Variants in THSD4 observed in about 807,000 individuals in gnomAD.
THSD4 encodes the protein thrombospondin type-1 domain-containing protein 4.
Under a neutral mutation model 119.0 loss-of-function variants are expected in THSD4, and 69 were observed. The ratio of observed to expected loss-of-function variants is 0.58; its 90% confidence interval spans 0.48 to 0.71. The LOEUF is 0.71. Ranked by LOEUF, THSD4 falls within the 30% of genes least tolerant of loss-of-function variation. The pLI, the probability that THSD4 is intolerant of heterozygous loss-of-function variation, is 0.00. For synonymous variants in THSD4, 524 were observed against 540.4 expected (o/e 0.97, Z 0.42); for missense variants, 1,393 against 1,391.1 (o/e 1.00, Z -0.02).
chr15:71,441,481 G>T (rs1451572491), intron 7 of THSD4, among the ~76,000 whole-genome samples: 50 of 132,212 alleles, frequency 3.8e-4, no homozygotes, highest in African/African-American at 1.1e-3. Flanking sequence ...GCCCCCTGGG[G>T]TTTTTTTTTT....
chr15:71,527,012 G>A (rs543690526), intron 7 of THSD4, among the ~76,000 whole-genome samples: 22 of 152,270 alleles, frequency 1.4e-4, no homozygotes, highest in Admixed American at 6.5e-4. Context: ...CATTGCAGTC[G>A]TATTAAGACG....
intron 3 of THSD4, chr15:71,185,904 T>G (rs907683405): frequency 1.3e-5 from 2 of 152,086 alleles, no homozygotes; most frequent in African/African-American, 2.4e-5. Context: ...ACTGCAATGG[T>G]TAAAGTCTGG....
At chr15:71,529,368 A>G (rs1481847175) in intron 7 of THSD4, among the ~76,000 whole-genome samples, 1 of 152,258 alleles carries the variant, frequency 6.6e-6, no homozygotes, top group Non-Finnish European at 1.5e-5. Context: ...TTATGATAGC[A>G]CTGACATTCT....
chr15:71,158,863 T>G (rs902457428), intron 3 of THSD4, among the ~76,000 whole-genome samples: 2 of 152,216 alleles, frequency 1.3e-5, no homozygotes, highest in Non-Finnish European at 2.9e-5. Context: ...TGCTTTTGTT[T>G]CCTGTGCTTT....
At chr15:71,472,742 A>G (rs2047598899) in intron 7 of THSD4, among the ~76,000 whole-genome samples, 1 of 152,190 alleles carries the variant, frequency 6.6e-6, no homozygotes, top group South Asian at 2.1e-4. Flanking sequence ...AGAGAGGTTG[A>G]TTTCACAGGA....
chr15:71,212,560 T>TTC (rs2043896713), intron 3 of THSD4, among the ~76,000 whole-genome samples: 2 of 152,214 alleles, frequency 1.3e-5, no homozygotes, highest in Non-Finnish European at 2.9e-5. Flanking sequence ...AGAAACATAT[T>TTC]TCTGCCTTTG....
intron 5 of THSD4, among the ~76,000 whole-genome samples, chr15:71,252,958 T>G (rs1474698311): frequency 6.6e-6 from 1 of 152,190 alleles, no homozygotes; most frequent in African/African-American, 2.4e-5. Flanking sequence ...CACTTCCACG[T>G]CCGGGCCCAA....
intron 1 of THSD4, among the ~76,000 whole-genome samples, chr15:71,138,877 A>T (rs77450390): frequency 3.7e-4 from 55 of 149,716 alleles, no homozygotes; most frequent in African/African-American, 1.3e-3. Flanking sequence ...TGTGTGTGTG[A>T]GTGTGTGTGT....
At chr15:71,283,172 T>C (rs2044676813) in intron 6 of THSD4, among the ~76,000 whole-genome samples, 2 of 152,122 alleles carry the variant, frequency 1.3e-5, no homozygotes, top group African/African-American at 2.4e-5. Flanking sequence ...GGTTTCACTG[T>C]GTTAGCCGGG....
intron 8 of THSD4, among the ~76,000 whole-genome samples, chr15:71,686,322 A>T (rs1289656148): frequency 6.6e-6 from 1 of 152,156 alleles, no homozygotes; most frequent in Non-Finnish European, 1.5e-5. Context: ...TTAATACCTG[A>T]TTGTATTGCT....
In THSD4 at chr15:71,128,484, G is replaced by A. The variant is rs566940779; in HGVS notation, c.-80+12786G>A. ...AGAGGTTGCCATGAGCCAAGATCAC[G>A]CCACTGCACTCCAGCCTGGGTGACA... On this transcript the variant is annotated intron_variant, in intron 1 of 17. Transcript: ENST00000261862. 6.2e-5 allele frequency among the ~76,000 whole-genome samples: 9 copies of A among 144,030 alleles called. No individual in the cohort carries two copies. The East Asian group carries it at 1.4e-3, about 23-fold the overall frequency. 94.5% of individuals were successfully genotyped at this position (144,030 alleles called of 152,430 possible).
intron 6 of THSD4, among the ~76,000 whole-genome samples, chr15:71,327,591 A>G (rs2045362384): frequency 6.6e-6 from 1 of 152,146 alleles, no homozygotes; most frequent in Non-Finnish European, 1.5e-5. Context: ...TACTTTTTGA[A>G]TGCCATTTCC....
chr15:71,431,902 C>G (rs892643683), intron 7 of THSD4, among the ~76,000 whole-genome samples: 2 of 152,126 alleles, frequency 1.3e-5, no homozygotes, highest in East Asian at 3.9e-4. Context: ...TATTCTTACA[C>G]TAAGGACAAT....
upstream of THSD4, chr15:71,111,463 A>T (rs375167795): frequency 6.7e-7 from 1 of 1,490,000 alleles, no homozygotes; most frequent in African/African-American, 1.4e-5. Flanking sequence ...TTAAGGAGGC[A>T]AGCAGGGGAG....
intron 16 of THSD4, among the ~76,000 whole-genome samples, chr15:71,765,747 T>C (rs189786518): frequency 7.6e-4 from 116 of 152,054 alleles, no homozygotes; most frequent in African/African-American, 2.8e-3. Flanking sequence ...GAAAAACATT[T>C]TTTTTAATTA....
At chr15:71,346,664 A>G (rs1382405274) in intron 6 of THSD4, among the ~76,000 whole-genome samples, 1 of 152,118 alleles carries the variant, frequency 6.6e-6, no homozygotes, top group South Asian at 2.1e-4. Context: ...TTACAAGCCA[A>G]AATCTGGACA....
chr15:71,149,500 C>T (rs554422085), intron 2 of THSD4, among the ~76,000 whole-genome samples: 5 of 152,060 alleles, frequency 3.3e-5, no homozygotes, highest in Admixed American at 2.0e-4. Flanking sequence ...CCGCCTGCCT[C>T]GGCCTCCCAA....
intron 1 of THSD4, 98 bp from the exon 2 acceptor site, chr15:71,141,351 A>C: frequency 1.6e-6 from 1 of 628,594 alleles, no homozygotes; most frequent in Non-Finnish European, 2.6e-6. Context: ...TTGTTTTAGT[A>C]TCTTCCATTT....
At chr15:71,187,268 CAG>C (rs1395932796) in intron 3 of THSD4, 1 of 152,590 alleles carries the variant, frequency 6.6e-6, no homozygotes, top group Non-Finnish European at 1.5e-5. Context: ...TTCTGGAAAA[CAG>C]AGCAAAAACA....
Sources: gnomAD v4.1 joint callset for allele counts (sites outside exome capture counted in the v4.1 genomes callset) on GRCh38, gnomAD v4.1.1 for gene constraint, MANE v1.5 for transcripts, NCBI Gene and HGNC (gene_info 2026-07-23, HGNC 2026-07-21) for gene names.